TLDC2: variants seen among roughly 807,000 people sequenced by gnomAD.
The protein encoded by TLDC2 is TLD domain-containing protein 2.
In TLDC2, 23 loss-of-function variants were observed where a neutral mutation model predicts 27.9. The observed-to-expected ratio is 0.82, with a 90% CI of 0.59 to 1.17. The LOEUF is 1.17. Among genes scored for constraint, TLDC2 ranks in the 50% most tolerant of loss-of-function variants. TLDC2 has a pLI of 0.00. For synonymous variants in TLDC2, 124 were observed against 107.4 expected, an observed-to-expected ratio of 1.16 and a Z score of -0.96; for missense variants, 286 against 273.4, an observed-to-expected ratio of 1.05 and a Z score of -0.32.
chr20:36,881,351 G>A (rs1989811045), intron 4 of TLDC2, among the ~76,000 whole-genome samples: 1 of 151,456 alleles, frequency 6.6e-6, no homozygotes, highest in Non-Finnish European at 1.5e-5. Context: ...CTGCATTCCA[G>A]CCTGGGCAAC....
chr20:36,887,477 ACT>A lies in TLDC2; in HGVS notation c.464_465del (p.Ser155PhefsTer76), dbSNP rs755162140. On this transcript the variant is annotated frameshift_variant, in exon 5 of 7. Coordinates refer to ENST00000217320, the MANE Select transcript of TLDC2 (RefSeq NM_080628.3). LOFTEE classifies it high-confidence loss of function. ...CAGGTCTTTAAGTGGACTGGAAGCA[ACT>A]CTTTCTTTGTGAAGGGAGACTTGGA... The A allele has an allele frequency of 1.2e-6, 2 of 1,613,852 alleles. No individual in the cohort carries two copies. Among genetic ancestry groups the A allele is most frequent in the African/African-American group, 2.7e-5 (2 of 74,930 alleles).
chr20:36,879,141 T>A lies in TLDC2; in HGVS notation c.290T>A (p.Met97Lys). 1 of 1,613,976 alleles carries A rather than the reference T, an allele frequency of 6.2e-7. No individual in the cohort carries two copies. Among genetic ancestry groups the A allele is most frequent in the Non-Finnish European group, 8.5e-7 (1 of 1,179,992 alleles). Residue 97 changes from methionine to lysine, a missense_variant, in exon 3 of 7, where the codon ATG becomes AAG. Transcript: ENST00000217320. Reference protein sequence around the residue: ...GFSLQSLYRRMEGCSGPVLLV... With the variant: ...GFSLQSLYRRKEGCSGPVLLV... Reference sequence around the variant, plus strand: ...AGCCTGCAGAGCCTGTACCGGCGGATGGAGGGCTGCAGCGGGCCAGTGCTG... The same window carrying A: ...AGCCTGCAGAGCCTGTACCGGCGGAAGGAGGGCTGCAGCGGGCCAGTGCTG...
At position 36,893,076 on chromosome 20, in the gene TLDC2, A is replaced by G. The variant is rs1990119052; in HGVS notation, c.*232A>G. 3.7e-6 allele frequency: 6 copies of G among 1,612,106 alleles called. No individual in the cohort carries two copies. The highest frequency in any genetic ancestry group is 5.1e-6 in the Non-Finnish European group (6 of 1,179,946). The stretch of plus-strand genomic sequence containing the variant: ...CTATAACATCGCCATCCTATTAGGA[A>G]GAGAGAGAAAAACAGGCAATAGAGA... On this transcript the variant is annotated 3_prime_UTR_variant, in exon 7 of 7. Transcript: ENST00000217320.
chr20:36,885,013 G>C (rs919117654), intron 4 of TLDC2, among the ~76,000 whole-genome samples: 5 of 151,364 alleles, frequency 3.3e-5, no homozygotes, highest in Admixed American at 6.6e-5. Flanking sequence ...CGAGTAGCTG[G>C]GATTACAGGC....
intron 2 of TLDC2, among the ~76,000 whole-genome samples, 155 bp from the exon 3 acceptor site, chr20:36,878,886 A>T (rs538904791): frequency 3.0e-4 from 45 of 152,254 alleles, no homozygotes; most frequent in African/African-American, 1.1e-3. Context: ...TCCGAGGGCT[A>T]TGGCTGATGG....
rs1990137503 is a variant in TLDC2, at chr20:36,893,732, G to A, written c.*888G>A. 1 of 395,888 alleles carries A rather than the reference G, an allele frequency of 2.5e-6. No individual in the cohort carries two copies. The highest frequency in any genetic ancestry group is 2.1e-5 in the African/African-American group (1 of 48,582). The allele number at this position is 395,888 out of a possible 1,614,324, so 24.5% of individuals were successfully genotyped here. A position where few individuals can be genotyped will look rare whatever the true frequency, so the allele number is the denominator to read the frequency against. On this transcript the variant is annotated 3_prime_UTR_variant, in exon 7 of 7. Transcript: ENST00000217320. ...TTACAAGATGATGCACGATCTTGGAGAGCCTCTGTTGTACCAGGAATACAA... is the reference window on the plus strand; with the variant it reads ...TTACAAGATGATGCACGATCTTGGAAAGCCTCTGTTGTACCAGGAATACAA...
chr20:36,883,918 AC>A (rs1282979433), intron 4 of TLDC2, among the ~76,000 whole-genome samples: 1 of 152,024 alleles, frequency 6.6e-6, no homozygotes, highest in Non-Finnish European at 1.5e-5. Flanking sequence ...ACACGGTGAA[AC>A]CCCGTCTCTA....
At chr20:36,890,398 C>CTTTCTTTCTTTCTTTCTTTCTT (rs1568754664) in intron 6 of TLDC2, 2 of 145,742 alleles carry the variant, frequency 1.4e-5, no homozygotes, top group Non-Finnish European at 3.0e-5. Flanking sequence ...ATTTCTTTCT[C>CTTTCTTTCTTTCTTTCTTTCTT]TTTCTTTCTT....
chr20:36,876,860 C>G (rs961311392), intron 1 of TLDC2, among the ~76,000 whole-genome samples: 2 of 152,142 alleles, frequency 1.3e-5, no homozygotes, highest in Admixed American at 6.6e-5. Flanking sequence ...TTTACACCAT[C>G]ACAACTCACA....
rs1990123191 is a variant in TLDC2, at chr20:36,893,196, G to A, written c.*352G>A. On this transcript the variant is annotated 3_prime_UTR_variant, in exon 7 of 7. Coordinates refer to ENST00000217320, the MANE Select transcript of TLDC2 (RefSeq NM_080628.3). ...ATTGCTTCTAGCTGTCCTCAATCCA[G>A]GGAAACTCCAAATTACATATGCCCT... 3.5e-6 allele frequency: 4 copies of A among 1,139,360 alleles called. No individual in the cohort carries two copies. The highest frequency in any genetic ancestry group is 5.1e-6 in the Non-Finnish European group (4 of 780,428). 70.6% of individuals were successfully genotyped at this position (1,139,360 alleles called of 1,614,324 possible). A position where few individuals can be genotyped will look rare whatever the true frequency, so the allele number is the denominator to read the frequency against.
At chr20:36,881,450 A>G (rs1989813533) in intron 4 of TLDC2, among the ~76,000 whole-genome samples, 1 of 151,640 alleles carries the variant, frequency 6.6e-6, no homozygotes, top group Non-Finnish European at 1.5e-5. Context: ...TATCGCGGTC[A>G]TCACAGGTGT....
chr20:36,883,832 G>A (rs1158171394), intron 4 of TLDC2, among the ~76,000 whole-genome samples: 2 of 152,196 alleles, frequency 1.3e-5, no homozygotes, highest in African/African-American at 4.8e-5. Flanking sequence ...AGTGGCTCAT[G>A]CCTGTAATCC....
rs777811871 is a variant in TLDC2, at chr20:36,879,129, T to C, written c.278T>C (p.Leu93Pro). 24 of 1,613,960 alleles carry C rather than the reference T, an allele frequency of 1.5e-5. No homozygotes were observed. The highest frequency in any genetic ancestry group is 2.0e-5 in the Non-Finnish European group (24 of 1,180,002). Residue 93 changes from leucine (L) to proline (P), a missense_variant, in exon 3 of 7, where the codon CTG becomes CCG. Transcript: ENST00000217320. Reference sequence around the variant, plus strand: ...AGGGACGGTTTCAGCCTGCAGAGCCTGTACCGGCGGATGGAGGGCTGCAGC... The same window carrying C: ...AGGGACGGTTTCAGCCTGCAGAGCCCGTACCGGCGGATGGAGGGCTGCAGC... ...TSRDGFSLQSLYRRMEGCSGP... is the reference protein window; with the variant it reads ...TSRDGFSLQSPYRRMEGCSGP...
In TLDC2 at chr20:36,892,919, T is replaced by C. The variant is rs779967417; in HGVS notation, c.*75T>C. 6.2e-7 allele frequency: 1 copy of C among 1,614,098 alleles called. No individual in the cohort carries two copies. The highest frequency in any genetic ancestry group is 1.1e-5 in the South Asian group (1 of 91,064). Reference sequence around the variant, plus strand: ...GCAGGAGAGGGAGTTTGTAAACAACTGACTACAGACATTCACATTGGGTCA... The same window carrying C: ...GCAGGAGAGGGAGTTTGTAAACAACCGACTACAGACATTCACATTGGGTCA... On this transcript the variant is annotated 3_prime_UTR_variant, in exon 7 of 7. Transcript: ENST00000217320.
chr20:36,879,001 C>G (rs753514464), intron 2 of TLDC2, 40 bp from the exon 3 acceptor site: 5 of 1,613,640 alleles, frequency 3.1e-6, no homozygotes, highest in Non-Finnish European at 3.4e-6. Context: ...CAGGAGGGCG[C>G]GAGGAGAACT....
At position 36,878,892 on chromosome 20, in the gene TLDC2, G is replaced by C. The variant is rs957288134; in HGVS notation, c.190-149G>C. The C allele has an allele frequency of 5.1e-6, 6 of 1,168,722 alleles. No homozygotes were observed. In the African/African-American group the frequency reaches 9.1e-5, roughly 18 times the overall value. 72.4% of individuals were successfully genotyped at this position (1,168,722 alleles called of 1,614,324 possible). On this transcript the variant is annotated intron_variant, in intron 2 of 6. Coordinates refer to ENST00000217320, the MANE Select transcript of TLDC2 (RefSeq NM_080628.3). ...ACCCCTATCTCCGAGGGCTATGGCTGATGGCATGAAAGTCCCTAGAAACAG... is the reference window on the plus strand; with the variant it reads ...ACCCCTATCTCCGAGGGCTATGGCTCATGGCATGAAAGTCCCTAGAAACAG...
intron 3 of TLDC2, 143 bp downstream of exon 3, chr20:36,879,336 C>A: frequency 1.8e-6 from 2 of 1,104,948 alleles, no homozygotes; most frequent in African/African-American, 1.6e-5. Context: ...GGCAATGAGA[C>A]CTGCCCACTC....
At chr20:36,885,819 C>A (rs1221158485) in intron 4 of TLDC2, among the ~76,000 whole-genome samples, 1 of 151,964 alleles carries the variant, frequency 6.6e-6, no homozygotes, top group Non-Finnish European at 1.5e-5. Context: ...GAAGACAGGC[C>A]ACACGGAACT....
In TLDC2 at chr20:36,879,327, G is replaced by A. The variant is rs1989749958; in HGVS notation, c.342+134G>A. The A allele has an allele frequency of 7.4e-6, 9 of 1,208,634 alleles. No individual in the cohort carries two copies. In the East Asian group the frequency reaches 7.7e-5, roughly 10 times the overall value. 74.9% of individuals were successfully genotyped at this position (1,208,634 alleles called of 1,614,324 possible). A position where few individuals can be genotyped will look rare whatever the true frequency, so the allele number is the denominator to read the frequency against. ...TCACCTATAATGGACACTGATGATGGCAATGAGACCTGCCCACTCAGAGCC... is the reference window on the plus strand; with the variant it reads ...TCACCTATAATGGACACTGATGATGACAATGAGACCTGCCCACTCAGAGCC... On this transcript the variant is annotated intron_variant, in intron 3 of 6. Coordinates refer to ENST00000217320, the MANE Select transcript of TLDC2 (RefSeq NM_080628.3).
Sources: gnomAD v4.1 joint callset for allele counts (sites outside exome capture counted in the v4.1 genomes callset) on GRCh38, gnomAD v4.1.1 for gene constraint, MANE v1.5 for transcripts, NCBI Gene and HGNC (gene_info 2026-07-23, HGNC 2026-07-21) for gene names.